PIP5K1C: variants seen among roughly 807,000 people sequenced by gnomAD.
The protein encoded by PIP5K1C is phosphatidylinositol-4-phosphate 5-kinase type 1 gamma, also known as phosphatidylinositol 4-phosphate 5-kinase type-1 gamma.
Under a neutral mutation model 80.1 loss-of-function variants are expected in PIP5K1C, and 45 were observed. That is an observed-to-expected ratio of 0.56 (90% confidence interval 0.44 to 0.72). PIP5K1C has a LOEUF of 0.72. Ranked by LOEUF, PIP5K1C falls within the 30% of genes least tolerant of loss-of-function variation. The pLI is 0.00. For synonymous variants in PIP5K1C, 498 were observed against 420.1 expected (o/e 1.19, Z -2.27); for missense variants, 753 against 954.6 (o/e 0.79, Z 2.78).
intron 16 of PIP5K1C, chr19:3,638,101 C>T (rs2033783661): frequency 7.2e-7 from 1 of 1,398,184 alleles, no homozygotes; most frequent in Non-Finnish European, 9.4e-7. Context: ...CCCTCCTTCC[C>T]AGGGGGTGCA....
At chr19:3,656,248 A>T (rs1014219355) in intron 6 of PIP5K1C, among the ~76,000 whole-genome samples, 157 bp downstream of exon 6, 2 of 152,106 alleles carry the variant, frequency 1.3e-5, no homozygotes, top group African/African-American at 4.8e-5. Context: ...GTGAAGCCTG[A>T]CGGGGGACCC....
intron 16 of PIP5K1C, among the ~76,000 whole-genome samples, chr19:3,635,244 A>G (rs917342031): frequency 1.3e-5 from 2 of 152,238 alleles, no homozygotes; most frequent in Non-Finnish European, 2.9e-5. Flanking sequence ...CTTCTGCTAC[A>G]GCATTAGAAA....
intron 11 of PIP5K1C, among the ~76,000 whole-genome samples, chr19:3,645,191 G>A (rs1002610671): frequency 6.6e-6 from 1 of 152,242 alleles, no homozygotes; most frequent in Non-Finnish European, 1.5e-5. Context: ...CAACCCCCGT[G>A]GGTGCGGACC....
At chr19:3,659,199 A>C (rs1250385490) in intron 5 of PIP5K1C, among the ~76,000 whole-genome samples, 1 of 152,082 alleles carries the variant, frequency 6.6e-6, no homozygotes, top group Non-Finnish European at 1.5e-5. Flanking sequence ...CAACACGCAC[A>C]CTAGCCCGTC....
chr19:3,648,886 C>G lies in PIP5K1C; in HGVS notation c.1128-178G>C, dbSNP rs998035287. 6.6e-6 allele frequency among the ~76,000 whole-genome samples: 1 copy of G among 152,110 alleles called. No individual in the cohort carries two copies. The highest frequency in any genetic ancestry group is 2.4e-5 in the African/African-American group (1 of 41,414). ...CTGTCCTGACATCCCTCCATCACCC[C>G]CAGCCTCAAACCCAGGCCCAGGCAC... On this transcript the variant is annotated intron_variant, in intron 8 of 17. Transcript: ENST00000335312. The surrounding 1 kb of genome is among the most constrained non-coding windows in gnomAD (Gnocchi z 4.3).
intron 6 of PIP5K1C, 112 bp from the exon 7 acceptor site, chr19:3,653,701 C>G (rs535297196): frequency 9.7e-7 from 1 of 1,027,174 alleles, no homozygotes; most frequent in Non-Finnish European, 1.4e-6. Flanking sequence ...GCCAGCCCCC[C>G]TCTCTCCCCA....
intron 15 of PIP5K1C, among the ~76,000 whole-genome samples, chr19:3,640,284 C>T (rs1254472712): frequency 1.3e-5 from 2 of 152,110 alleles, no homozygotes; most frequent in African/African-American, 2.4e-5. Context: ...GAGGCCGAGG[C>T]GGGAGGATCA....
chr19:3,636,446 C>T (rs900389503), intron 16 of PIP5K1C: 10 of 985,454 alleles, frequency 1.0e-5, no homozygotes. Context: ...ACGTCTGCCC[C>T]TTCAAGTCAG....
In PIP5K1C at chr19:3,696,543, T is replaced by G. The variant is rs941587275; in HGVS notation, c.94+3754A>C. ...GGGAGGCCTCACGGAGAGGAGATGC[T>G]CCCACAAAACCTGGAAAGCGCTAAG... On this transcript the variant is annotated intron_variant, in intron 1 of 17. Transcript: ENST00000335312. The surrounding 1 kb of genome is among the most constrained non-coding windows in gnomAD (Gnocchi z 4.1). Among the ~76,000 whole-genome samples the G allele has an allele frequency of 8.5e-6, 1 of 117,368 alleles. No individual in the cohort carries two copies. The highest frequency in any genetic ancestry group is 1.6e-5 in the Non-Finnish European group (1 of 61,608). 77.0% of individuals were successfully genotyped at this position (117,368 alleles called of 152,430 possible).
At position 3,633,424 on chromosome 19, in the gene PIP5K1C, G is replaced by A. The variant is rs538357116; in HGVS notation, c.2004+13C>T. On this transcript the variant is annotated intron_variant, in intron 17 of 17. Coordinates refer to ENST00000335312, the MANE Select transcript of PIP5K1C (RefSeq NM_012398.3). Reference sequence around the variant, plus strand: ...GCCCACGGGACCGGCGGGTGCACCTGGGCTGCACTTACTGTGTCGCTCTCG... The same window carrying A: ...GCCCACGGGACCGGCGGGTGCACCTAGGCTGCACTTACTGTGTCGCTCTCG... The A allele has an allele frequency of 9.5e-6, 14 of 1,474,344 alleles. No individual in the cohort carries two copies. Among genetic ancestry groups the A allele is most frequent in the African/African-American group, 1.4e-5 (1 of 71,174 alleles). 91.3% of individuals were successfully genotyped at this position (1,474,344 alleles called of 1,614,324 possible). A position where few individuals can be genotyped will look rare whatever the true frequency, so the allele number is the denominator to read the frequency against.
rs1476319916 is a variant in PIP5K1C at position 3,687,628 on chromosome 19, CA to C, written c.94+12668del. Among the ~76,000 whole-genome samples the C allele has an allele frequency of 3.3e-4, 51 of 152,264 alleles. 1 individual carries two copies. Among genetic ancestry groups the C allele is most frequent in the African/African-American group, 1.2e-3 (50 of 41,550 alleles). ...ACACGCACACACACGCACAGGCCCT[CA>C]GAGGACACCACAGAACACCTGCGGG... On this transcript the variant is annotated intron_variant, in intron 1 of 17. Coordinates refer to ENST00000335312, the MANE Select transcript of PIP5K1C (RefSeq NM_012398.3).
rs898791920 is a variant in PIP5K1C at position 3,653,603 on chromosome 19, A to AG, written c.622-15dup. The AG allele has an allele frequency of 6.2e-7, 1 of 1,601,816 alleles. No homozygotes were observed. Among genetic ancestry groups the AG allele is most frequent in the African/African-American group, 1.3e-5 (1 of 74,732 alleles). ...CTGGTTGAGGTTCTGCCGGGGGAAGAGGGCAAGTCGTGGAGGGCGGCTGGG... is the reference window on the plus strand; with the variant it reads ...CTGGTTGAGGTTCTGCCGGGGGAAGAGGGGCAAGTCGTGGAGGGCGGCTGGG... On this transcript the variant is annotated splice_polypyrimidine_tract_variant and intron_variant, in intron 6 of 17. Coordinates refer to ENST00000335312, the MANE Select transcript of PIP5K1C (RefSeq NM_012398.3).
rs535450731 is a variant in PIP5K1C, at chr19:3,667,144, G to A, written c.126+178C>T. On this transcript the variant is annotated intron_variant, in intron 2 of 17. Coordinates refer to ENST00000335312, the MANE Select transcript of PIP5K1C (RefSeq NM_012398.3). ...CTCCTCCATCACGGAATTTCACCCC[G>A]ACCTCTCAAGACGCAGTTGGTGTAG... is the stretch of plus-strand genomic sequence containing the variant. Among the ~76,000 whole-genome samples the A allele has an allele frequency of 2.1e-3, 319 of 152,308 alleles. 3 individuals are homozygous for A. Among genetic ancestry groups the A allele is most frequent in the African/African-American group, 7.1e-3 (294 of 41,574 alleles).
intron 1 of PIP5K1C, among the ~76,000 whole-genome samples, chr19:3,667,906 G>A (rs1452632151): frequency 6.6e-6 from 1 of 152,160 alleles, no homozygotes; most frequent in African/African-American, 2.4e-5. Flanking sequence ...GCAGGCTGGA[G>A]TTGCAGGGAG....
At chr19:3,667,464 G>C in intron 1 of PIP5K1C, 111 bp from the exon 2 acceptor site, 1 of 1,147,916 alleles carries the variant, frequency 8.7e-7, no homozygotes, top group East Asian at 2.4e-5. Flanking sequence ...GTGTAACTCC[G>C]CGTGGGGCTG....
In PIP5K1C at chr19:3,646,115, G is replaced by C. The variant is rs140842550; in HGVS notation, c.1261-57C>G. On this transcript the variant is annotated intron_variant, in intron 10 of 17. Coordinates refer to ENST00000335312, the MANE Select transcript of PIP5K1C (RefSeq NM_012398.3). ...CAGAGGGTGCATCAATCAACAGCTG[G>C]GGACAGCCCCAGACAGACGCTGTAT... is the stretch of plus-strand genomic sequence containing the variant. 490 of 1,085,830 alleles carry C rather than the reference G, an allele frequency of 4.5e-4. 4 individuals carry two copies. The East Asian group carries it at 0.011, about 24-fold the overall frequency. 67.3% of individuals were successfully genotyped at this position (1,085,830 alleles called of 1,614,324 possible). A position where few individuals can be genotyped will look rare whatever the true frequency, so the allele number is the denominator to read the frequency against.
At chr19:3,656,200 C>G (rs754127704) in intron 6 of PIP5K1C, among the ~76,000 whole-genome samples, 2 of 152,216 alleles carry the variant, frequency 1.3e-5, no homozygotes, top group Non-Finnish European at 2.9e-5. Flanking sequence ...CGTGTGGCCA[C>G]AGGAGGAAGA....
intron 5 of PIP5K1C, among the ~76,000 whole-genome samples, chr19:3,659,997 G>C (rs1398059656): frequency 2.0e-5 from 3 of 152,218 alleles, no homozygotes; most frequent in Non-Finnish European, 4.4e-5. Flanking sequence ...AAGTTCTCGG[G>C]ATGACCAGGC....
chr19:3,677,388 G>A (rs2035392476), intron 1 of PIP5K1C, among the ~76,000 whole-genome samples: 1 of 152,228 alleles, frequency 6.6e-6, no homozygotes, highest in Non-Finnish European at 1.5e-5. Context: ...TTAGAGACCA[G>A]CCTGGCCAAC....
Sources: allele counts gnomAD v4.1 joint callset (sites outside exome capture counted in the v4.1 genomes callset), GRCh38; gene constraint gnomAD v4.1.1; non-coding constraint Gnocchi (gnomAD v3.1); transcripts MANE v1.5; gene names NCBI Gene and HGNC (gene_info 2026-07-23, HGNC 2026-07-21).